KAT6A: variants seen among roughly 807,000 people sequenced by gnomAD.
KAT6A encodes histone acetyltransferase KAT6A.
KAT6A carries 9 observed loss-of-function variants against 198.4 expected under a neutral mutation model. The observed-to-expected ratio is 0.05, with a 90% CI of 0.03 to 0.08. KAT6A has a LOEUF of 0.08. KAT6A is among the 10% of genes least tolerant of loss of function. KAT6A has a pLI of 1.00. For synonymous variants in KAT6A, 890 were observed against 883.0 expected, an observed-to-expected ratio of 1.01 and a Z score of -0.14; for missense variants, 2,077 against 2,509.9, an observed-to-expected ratio of 0.83 and a Z score of 3.69.
intron 5 of KAT6A, among the ~76,000 whole-genome samples, 200 bp from the exon 6 acceptor site, chr8:41,978,977 T>C (rs1198359871): frequency 6.6e-6 from 1 of 152,198 alleles, no homozygotes; most frequent in Non-Finnish European, 1.5e-5. Flanking sequence ...GAGACTCACA[T>C]ACACCTTCAA....
chr8:41,997,496 T>C (rs1427087016), intron 2 of KAT6A, among the ~76,000 whole-genome samples: 1 of 152,234 alleles, frequency 6.6e-6, no homozygotes, highest in Non-Finnish European at 1.5e-5. Context: ...TGTACCTACA[T>C]GGAAGTTAGT....
In KAT6A at chr8:41,942,849, C is replaced by T; in HGVS notation, c.2380G>A (p.Ala794Thr). Residue 794 changes from alanine to threonine, a missense_variant, in exon 14 of 17, where the codon GCT (alanine) becomes ACT (threonine). Coordinates refer to ENST00000265713, the MANE Select transcript of KAT6A (RefSeq NM_006766.5). ...GGCTCTTCGTTTTCTCCTTCCTCAG[C>T]CTCCTCTTCTTCCTCCTCTGAGACC... ...SVVSEEEEEE[A>T]EEGENEEPQC... 1 of 1,614,124 alleles carries T rather than the reference C, an allele frequency of 6.2e-7. No homozygotes were observed. The highest frequency in any genetic ancestry group is 8.5e-7 in the Non-Finnish European group (1 of 1,180,000).
chr8:41,987,974 G>A (rs779572508), intron 2 of KAT6A, among the ~76,000 whole-genome samples: 6 of 152,146 alleles, frequency 3.9e-5, no homozygotes, highest in Non-Finnish European at 7.3e-5. Context: ...GTGACTCCTC[G>A]GCAGAAGACA....
intron 2 of KAT6A, among the ~76,000 whole-genome samples, chr8:42,005,630 G>C (rs1825698759): frequency 6.6e-6 from 1 of 152,172 alleles, no homozygotes; most frequent in African/African-American, 2.4e-5. Flanking sequence ...TCCAGAGAGG[G>C]AGTGAGGTTG....
Position 41,974,833 on chromosome 8 carries a change from A to C in KAT6A, c.1364-11T>G. 3 of 1,558,400 alleles carry C rather than the reference A, an allele frequency of 1.9e-6. No homozygotes were observed. Among genetic ancestry groups the C allele is most frequent in the Non-Finnish European group, 2.6e-6 (3 of 1,135,054 alleles). ...AGCCATCCTGATTGTCTACATATAA[A>C]AAAAGAGCTCACATGTTAACTGTCC... is the stretch of plus-strand genomic sequence containing the variant. On this transcript the variant is annotated splice_polypyrimidine_tract_variant and intron_variant, in intron 7 of 16. Transcript: ENST00000265713.
intron 2 of KAT6A, 65 bp from the exon 3 acceptor site, chr8:41,987,628 C>G: frequency 1.1e-6 from 1 of 947,032 alleles, no homozygotes; most frequent in South Asian, 1.4e-5. Context: ...ACAAAGACAT[C>G]AAAATTATAG....
At chr8:41,938,791 C>T (rs1821966362) in intron 15 of KAT6A, among the ~76,000 whole-genome samples, 1 of 151,772 alleles carries the variant, frequency 6.6e-6, no homozygotes, top group South Asian at 2.1e-4. Flanking sequence ...ATCAAAAGTA[C>T]AAAAAATTAG....
intron 8 of KAT6A, 158 bp downstream of exon 8, chr8:41,974,546 G>A: frequency 2.1e-6 from 1 of 469,570 alleles, no homozygotes; most frequent in Non-Finnish European, 3.8e-6. Flanking sequence ...GGGTTTGAAA[G>A]GAATATTATA....
intron 1 of KAT6A, among the ~76,000 whole-genome samples, chr8:42,050,196 T>C (rs1226397026): frequency 6.6e-6 from 1 of 152,116 alleles, no homozygotes; most frequent in Non-Finnish European, 1.5e-5. Flanking sequence ...GCCCAAATAA[T>C]AAAGATATAA....
At chr8:42,030,941 T>G (rs1827078498) in intron 2 of KAT6A, among the ~76,000 whole-genome samples, 1 of 146,174 alleles carries the variant, frequency 6.8e-6, no homozygotes. Flanking sequence ...GCAACATTGT[T>G]ATGAAGTGCA....
intron 9 of KAT6A, among the ~76,000 whole-genome samples, chr8:41,951,879 G>C (rs1345679242): frequency 2.0e-5 from 3 of 152,162 alleles, no homozygotes; most frequent in Non-Finnish European, 4.4e-5. Context: ...AGTCAAGTGA[G>C]ATCAACCTAG....
intron 16 of KAT6A, among the ~76,000 whole-genome samples, chr8:41,935,202 G>C (rs1821787312): frequency 1.3e-5 from 2 of 152,164 alleles, no homozygotes; most frequent in Admixed American, 6.5e-5. Context: ...AAATGGAGAT[G>C]AACTTTATAA....
intron 2 of KAT6A, among the ~76,000 whole-genome samples, chr8:42,011,776 T>G (rs1485084491): frequency 6.7e-6 from 1 of 148,820 alleles, no homozygotes; most frequent in Admixed American, 6.7e-5. Flanking sequence ...TCAGAACAAG[T>G]TTGTGGCAAG....
At chr8:42,012,220 T>C (rs117322199) in intron 2 of KAT6A, among the ~76,000 whole-genome samples, 10 of 152,224 alleles carry the variant, frequency 6.6e-5, no homozygotes, top group South Asian at 4.1e-4. Flanking sequence ...AAACATACCA[T>C]TACCATACAA....
chr8:41,966,995 G>A (rs1823524690), intron 8 of KAT6A, among the ~76,000 whole-genome samples: 1 of 152,210 alleles, frequency 6.6e-6, no homozygotes, highest in East Asian at 1.9e-4. Context: ...GGTTAATAAA[G>A]TTGTTGAAAC....
chr8:42,008,613 G>C (rs980701640), intron 2 of KAT6A, among the ~76,000 whole-genome samples: 1 of 152,114 alleles, frequency 6.6e-6, no homozygotes, highest in Admixed American at 6.6e-5. Context: ...CCAAAGTGCT[G>C]GGATTACAGG....
At chr8:41,945,143 T>C (rs1189787842) in intron 12 of KAT6A, among the ~76,000 whole-genome samples, 1 of 152,234 alleles carries the variant, frequency 6.6e-6, no homozygotes, top group Non-Finnish European at 1.5e-5. Flanking sequence ...TAAACAATTT[T>C]CTCTATCATT....
intron 2 of KAT6A, among the ~76,000 whole-genome samples, chr8:42,042,672 C>G (rs1179075501): frequency 6.6e-6 from 1 of 152,136 alleles, no homozygotes; most frequent in Non-Finnish European, 1.5e-5. Flanking sequence ...TGGGAGTAAC[C>G]TGAACAATAA....
intron 2 of KAT6A, among the ~76,000 whole-genome samples, chr8:41,993,476 C>T (rs151087843): frequency 6.6e-6 from 1 of 152,174 alleles, no homozygotes; most frequent in Non-Finnish European, 1.5e-5. Context: ...TCACACATGG[C>T]ATGCTCCCCA....
Sources: allele counts gnomAD v4.1 joint callset (sites outside exome capture counted in the v4.1 genomes callset), GRCh38; gene constraint gnomAD v4.1.1; transcripts MANE v1.5; gene names NCBI Gene and HGNC (gene_info 2026-07-23, HGNC 2026-07-21).